The following SHTN1 variants were observed in gnomAD, a reference collection of about 807,000 sequenced individuals.
SHTN1 encodes shootin 1, also known as shootin-1.
Under a neutral mutation model 83.1 loss-of-function variants are expected in SHTN1, and 42 were observed. That is an observed-to-expected ratio of 0.51 (90% CI 0.39 to 0.65). SHTN1 has a LOEUF of 0.65. Among genes scored for constraint, SHTN1 ranks in the 30% least tolerant of loss-of-function variants. The pLI is 0.00. For missense variants in SHTN1, 622 were observed against 737.8 expected (o/e 0.84, Z 1.82); for synonymous variants, 224 against 247.7 (o/e 0.90, Z 0.90).
chr10:116,895,476 T>G (rs1847485586), intron 16 of SHTN1, among the ~76,000 whole-genome samples: 1 of 152,226 alleles, frequency 6.6e-6, no homozygotes. Context: ...TTTTCAGAAC[T>G]CTGTTTTACT....
intron 2 of SHTN1, among the ~76,000 whole-genome samples, chr10:117,028,854 A>G (rs937826972): frequency 2.0e-5 from 3 of 152,160 alleles, no homozygotes; most frequent in Non-Finnish European, 2.9e-5. Flanking sequence ...GAGAACCTCT[A>G]CTAAGGCAAT....
At chr10:116,928,732 A>C (rs1045816798) in intron 10 of SHTN1, among the ~76,000 whole-genome samples, 3 of 152,184 alleles carry the variant, frequency 2.0e-5, no homozygotes, top group Non-Finnish European at 2.9e-5. Flanking sequence ...AGTGTGGGCT[A>C]TGCTCTCCAA....
chr10:116,923,610 C>T (rs914354938), intron 11 of SHTN1, among the ~76,000 whole-genome samples: 3 of 151,306 alleles, frequency 2.0e-5, no homozygotes, highest in Non-Finnish European at 4.4e-5. Context: ...TGCTGGAGTA[C>T]AAGGGCACAG....
intron 1 of SHTN1, among the ~76,000 whole-genome samples, chr10:117,000,395 T>C (rs1482370187): frequency 6.6e-6 from 1 of 152,234 alleles, no homozygotes; most frequent in Admixed American, 6.5e-5. Context: ...GATTTCCATG[T>C]GAACTTAAGT....
Position 116,929,926 on chromosome 10 carries a change from A to C in SHTN1, c.935T>G (p.Leu312Arg). 1 of 1,609,170 alleles carries C rather than the reference A, an allele frequency of 6.2e-7. No individual in the cohort carries two copies. The highest frequency in any genetic ancestry group is 1.7e-4 in the Middle Eastern group (1 of 6,028). ...EIHNLKQQLE[L>R]LEEDKKELEL... The stretch of plus-strand genomic sequence containing the variant: ...CAATTCCTTTTTATCTTCCTCTAGA[A>C]GCTCCAGTTGCTGTTTGAGGTTGTG... Residue 312 changes from leucine to arginine, a missense_variant, in exon 10 of 17, where the codon CTT (leucine) becomes CGT (arginine). By Grantham distance (102) the Leu-to-Arg change is moderately radical. Around this residue, in one of 3 missense-constraint regions of SHTN1, gnomAD observed 383 missense variants for 455.8 expected, o/e 0.84. Transcript: ENST00000355371.
chr10:116,940,279 C>T (rs187493427), intron 9 of SHTN1, among the ~76,000 whole-genome samples, 187 bp downstream of exon 9: 2 of 152,330 alleles, frequency 1.3e-5, no homozygotes, highest in Admixed American at 1.3e-4. Flanking sequence ...TTACAAATTT[C>T]AGTTTCACAA....
intron 2 of SHTN1, among the ~76,000 whole-genome samples, chr10:116,975,472 G>T (rs1355520345): frequency 1.3e-5 from 2 of 152,014 alleles, no homozygotes; most frequent in Non-Finnish European, 1.5e-5. Flanking sequence ...AATTGATCGT[G>T]GTTATTTGTC....
In SHTN1 at chr10:116,954,084, C is replaced by T. The variant is rs761373972; in HGVS notation, c.394G>A (p.Ala132Thr). Residue 132 changes from alanine to threonine, a missense_variant, in exon 5 of 17, where the codon GCC becomes ACC. Physicochemically the swap from Ala to Thr is moderately conservative, Grantham distance 58 (BLOSUM62 0). Coordinates refer to ENST00000355371, the MANE Select transcript of SHTN1 (RefSeq NM_001127211.3). The stretch of plus-strand genomic sequence containing the variant: ...CACTGTACTGAGACACAAGTCTCGG[C>T]GGCACCGTCTGTGTCTGTAGTCGAA... ...EDSTTDTDGA[A>T]ETCVSVQCQK... 19 of 1,613,240 alleles carry T rather than the reference C, an allele frequency of 1.2e-5. No individual in the cohort carries two copies. Among genetic ancestry groups the T allele is most frequent in the Middle Eastern group, 3.3e-4 (2 of 6,052 alleles).
At chr10:116,921,544 G>T in intron 11 of SHTN1, 28 bp from the exon 12 acceptor site, 1 of 1,533,240 alleles carries the variant, frequency 6.5e-7, no homozygotes, top group South Asian at 1.1e-5. Flanking sequence ...AGATCAACAG[G>T]AGATTACTGG....
intron 1 of SHTN1, among the ~76,000 whole-genome samples, chr10:117,057,455 A>G (rs1898350): frequency 0.98 from 149,634 of 152,230 alleles, 73,588 homozygotes; most frequent in Middle Eastern, 1. Flanking sequence ...AAGTGCAGAC[A>G]ACACAGAGAT....
chr10:117,075,671 ATAT>A (rs1210675426), intron 1 of SHTN1, among the ~76,000 whole-genome samples: 1 of 152,200 alleles, frequency 6.6e-6, no homozygotes, highest in Non-Finnish European at 1.5e-5. Flanking sequence ...GATACCAGAG[ATAT>A]TATAGTAGTG....
At chr10:117,076,120 T>C (rs1201270585) in intron 1 of SHTN1, among the ~76,000 whole-genome samples, 1 of 148,428 alleles carries the variant, frequency 6.7e-6, no homozygotes, top group Non-Finnish European at 1.5e-5. Flanking sequence ...AAGGCAGAGG[T>C]TGGAGTAAGC....
chr10:117,051,232 T>C (rs769837001), intron 1 of SHTN1, among the ~76,000 whole-genome samples: 10 of 152,066 alleles, frequency 6.6e-5, no homozygotes, highest in Non-Finnish European at 1.0e-4. Context: ...AATAGACCTA[T>C]AACATACAAA....
intron 1 of SHTN1, among the ~76,000 whole-genome samples, chr10:117,105,002 A>C (rs1853652033): frequency 6.6e-6 from 1 of 151,600 alleles, no homozygotes; most frequent in Non-Finnish European, 1.5e-5. Context: ...ACCACACACC[A>C]CTGCCCTTAC....
rs769661063 is a variant in SHTN1 at position 116,907,898 on chromosome 10, TCCCTCCCTGCCTGCC to T, written c.1360-1166_1360-1152del. The T allele has an allele frequency of 7.7e-6, 4 of 518,224 alleles. No homozygotes were observed. In the Admixed American group the frequency reaches 7.8e-5, roughly 10 times the overall value. 32.1% of individuals were successfully genotyped at this position (518,224 alleles called of 1,614,324 possible). On this transcript the variant is annotated intron_variant, in intron 14 of 16. Transcript: ENST00000355371. Reference sequence around the variant, plus strand: ...CACTAAGGACTTGCCTTAATCCTGCTCCCTCCCTGCCTGCCAACTACCTGAAGGATTCTAATAATT... The same window carrying T: ...CACTAAGGACTTGCCTTAATCCTGCTAACTACCTGAAGGATTCTAATAATT...
At chr10:116,902,069 G>T in intron 15 of SHTN1, 112 bp from the exon 16 acceptor site, 1 of 947,000 alleles carries the variant, frequency 1.1e-6, no homozygotes, top group Non-Finnish European at 1.5e-6. Flanking sequence ...GGCCAAGTTT[G>T]TTAAAATTTC....
At chr10:116,938,373 T>C (rs1276561013) in intron 9 of SHTN1, among the ~76,000 whole-genome samples, 1 of 152,208 alleles carries the variant, frequency 6.6e-6, no homozygotes, top group Non-Finnish European at 1.5e-5. Context: ...TTTGTTGATG[T>C]TGATGTATTC....
At chr10:116,922,523 A>C (rs1055446903) in intron 11 of SHTN1, among the ~76,000 whole-genome samples, 3 of 152,226 alleles carry the variant, frequency 2.0e-5, no homozygotes, top group African/African-American at 7.2e-5. Flanking sequence ...TTCATGAAGA[A>C]TTTCCGTAAT....
At chr10:116,976,204 G>C (rs778285263) in intron 2 of SHTN1, among the ~76,000 whole-genome samples, 2 of 151,956 alleles carry the variant, frequency 1.3e-5, no homozygotes, top group Non-Finnish European at 2.9e-5. Flanking sequence ...GGAGATGAGA[G>C]AGCATGGATG....
Sources: allele counts gnomAD v4.1 joint callset (sites outside exome capture counted in the v4.1 genomes callset), GRCh38; gene constraint gnomAD v4.1.1; regional missense constraint gnomAD v4.1.1; transcripts MANE v1.5; gene names NCBI Gene and HGNC (gene_info 2026-07-23, HGNC 2026-07-21).